PCDHA2: variants seen among roughly 807,000 people sequenced by gnomAD.
PCDHA2 encodes protocadherin alpha 2.
Under a neutral mutation model 66.0 loss-of-function variants are expected in PCDHA2, and 58 were observed. The ratio of observed to expected loss-of-function variants is 0.88; its 90% confidence interval spans 0.71 to 1.09. The LOEUF (loss-of-function observed/expected upper bound fraction) is 1.09, where lower values mean the gene tolerates loss of function less well. Among genes scored for constraint, PCDHA2 ranks in the 50% least tolerant of loss-of-function variants. The pLI is 0.00. For missense variants in PCDHA2, 1,267 were observed against 1,242.3 expected, an observed-to-expected ratio of 1.02 and a Z score of -0.30; for synonymous variants, 634 against 554.0, an observed-to-expected ratio of 1.14 and a Z score of -2.03.
chr5:140,845,510 C>A (rs1779902484), intron 1 of PCDHA2, among the ~76,000 whole-genome samples: 3 of 149,534 alleles, frequency 2.0e-5, no homozygotes, highest in African/African-American at 7.3e-5. Context: ...AAACCTATTT[C>A]TTGTACATTA....
chr5:140,974,126 T>C (rs1554235851), intron 1 of PCDHA2, among the ~76,000 whole-genome samples: 1 of 152,242 alleles, frequency 6.6e-6, no homozygotes, highest in Non-Finnish European at 1.5e-5. Flanking sequence ...GTGTTTTAAA[T>C]CTGCTAACCT....
chr5:140,979,566 G>A (rs2096856791), intron 2 of PCDHA2, among the ~76,000 whole-genome samples: 1 of 152,194 alleles, frequency 6.6e-6, no homozygotes, highest in Non-Finnish European at 1.5e-5. Flanking sequence ...GATGAGCCAT[G>A]TAAAGGGCTC....
At chr5:140,854,131 C>T in intron 1 of PCDHA2, 1 of 404,286 alleles carries the variant, frequency 2.5e-6, no homozygotes, top group Non-Finnish European at 3.3e-6. Flanking sequence ...AACTGCATTT[C>T]AGCCCGGGTG....
intron 1 of PCDHA2, chr5:140,927,933 C>T (rs1273187123): frequency 1.9e-6 from 3 of 1,614,090 alleles, no homozygotes; most frequent in African/African-American, 2.7e-5. Context: ...CTCTTTCGAA[C>T]CCAGTACCTG....
At chr5:140,846,310 A>G (rs1373754894) in intron 1 of PCDHA2, among the ~76,000 whole-genome samples, 4 of 145,832 alleles carry the variant, frequency 2.7e-5, no homozygotes, top group African/African-American at 1.0e-4. Context: ...TAAACCATTT[A>G]TGTAGAGTGT....
chr5:140,884,395 C>A, intron 1 of PCDHA2: 1 of 1,614,000 alleles, frequency 6.2e-7, no homozygotes, highest in Non-Finnish European at 8.5e-7. Flanking sequence ...CGGTGTCCAG[C>A]CTGTTGGTGC....
intron 1 of PCDHA2, chr5:140,823,268 TG>T: frequency 6.2e-7 from 1 of 1,607,684 alleles, no homozygotes; most frequent in South Asian, 1.1e-5. Flanking sequence ...GAGCGGCGGG[TG>T]GGCGAGCGCC....
chr5:140,813,771 G>A (rs1418058238), intron 1 of PCDHA2: 1 of 152,316 alleles, frequency 6.6e-6, no homozygotes, highest in East Asian at 1.9e-4. Context: ...TGAGGAAGGA[G>A]GATCACTTAA....
chr5:140,988,574 T>C (rs538316418), intron 3 of PCDHA2, among the ~76,000 whole-genome samples: 1 of 152,342 alleles, frequency 6.6e-6, no homozygotes, highest in East Asian at 1.9e-4. Context: ...GAAAACACTC[T>C]GTACCTTCCA....
rs2150162425 is a variant in PCDHA2, at chr5:140,829,084, G to A, written c.2388+31732G>A. On this transcript the variant is annotated intron_variant, in intron 1 of 3. Transcript: ENST00000526136. The stretch of plus-strand genomic sequence containing the variant: ...CGGACAAAGGCCATCCTCCCATGGC[G>A]GGTCATTGCACCGTTTTAGTGAGAA... The A allele has an allele frequency of 3.1e-5, 50 of 1,611,088 alleles. No individual in the cohort carries two copies. The Admixed American group carries it at 5.2e-4, about 17-fold the overall frequency.
intron 1 of PCDHA2, chr5:140,823,068 G>T (rs2150121914): frequency 3.1e-6 from 5 of 1,614,034 alleles, no homozygotes; most frequent in South Asian, 1.1e-5. Flanking sequence ...ACGGGGGCTC[G>T]CCTTCGCTGT....
chr5:140,879,973 C>T (rs1554171113), intron 1 of PCDHA2, among the ~76,000 whole-genome samples: 1 of 152,200 alleles, frequency 6.6e-6, no homozygotes, highest in East Asian at 1.9e-4. Context: ...GGATAAACTC[C>T]TTTCAAGATC....
At chr5:140,885,349 AG>A (rs2060568168) in intron 1 of PCDHA2, among the ~76,000 whole-genome samples, 1 of 152,206 alleles carries the variant, frequency 6.6e-6, no homozygotes, top group African/African-American at 2.4e-5. Context: ...GATTTCCAAA[AG>A]GTACTGGTGA....
intron 1 of PCDHA2, chr5:140,853,583 T>G: frequency 1.0e-6 from 1 of 985,318 alleles, no homozygotes; most frequent in Non-Finnish European, 1.2e-6. Context: ...CCCAATATCT[T>G]AGACACTTTG....
At chr5:140,877,189 G>A in intron 1 of PCDHA2, 1 of 1,613,808 alleles carries the variant, frequency 6.2e-7, no homozygotes, top group Non-Finnish European at 8.5e-7. Flanking sequence ...GGCTGGCAGC[G>A]CAGGAGGCGC....
intron 1 of PCDHA2, chr5:140,803,587 C>T (rs782182345): frequency 3.1e-6 from 5 of 1,614,056 alleles, no homozygotes; most frequent in African/African-American, 2.7e-5. Context: ...GATCTCTCAG[C>T]CAAAGTGAGT....
chr5:140,836,523 AC>A, intron 1 of PCDHA2: 18 of 1,613,762 alleles, frequency 1.1e-5, no homozygotes, highest in Non-Finnish European at 1.4e-5. Context: ...GTTGGTGCTT[AC>A]CCTGCTGCTG....
In PCDHA2 at chr5:140,822,136, G is replaced by A. The variant is rs143698188; in HGVS notation, c.2388+24784G>A. ...GCTGCAGGTTTTCCATGTGGAGGTGGCAGTGAAGGACATCAATGACAATCC... is the reference window on the plus strand; with the variant it reads ...GCTGCAGGTTTTCCATGTGGAGGTGACAGTGAAGGACATCAATGACAATCC... On this transcript the variant is annotated intron_variant, in intron 1 of 3. Coordinates refer to ENST00000526136, the MANE Select transcript of PCDHA2 (RefSeq NM_018905.3). The A allele has an allele frequency of 3.1e-5, 50 of 1,614,138 alleles. No homozygotes were observed. In the African/African-American group the frequency reaches 6.0e-4, roughly 19 times the overall value.
At chr5:140,846,834 G>C (rs1780700950) in intron 1 of PCDHA2, among the ~76,000 whole-genome samples, 1 of 149,596 alleles carries the variant, frequency 6.7e-6, no homozygotes, top group Non-Finnish European at 1.5e-5. Flanking sequence ...AAGAATATGA[G>C]TCACACAATG....
Sources: allele counts gnomAD v4.1 joint callset (sites outside exome capture counted in the v4.1 genomes callset), GRCh38; gene constraint gnomAD v4.1.1; transcripts MANE v1.5; gene names NCBI Gene and HGNC (gene_info 2026-07-23, HGNC 2026-07-21).